Variants in SGK3 observed in about 807,000 individuals in gnomAD.
The protein encoded by SGK3 is serine/threonine-protein kinase Sgk3.
SGK3 carries 47 observed loss-of-function variants against 68.5 expected under a neutral mutation model. The ratio of observed to expected loss-of-function variants is 0.69; its 90% CI spans 0.54 to 0.87. The LOEUF is 0.87. SGK3 is among the 40% of genes least tolerant of loss of function. The probability of loss-of-function intolerance (pLI) is 0.00; values close to 1 mark genes in which losing one functional copy is unlikely to be tolerated. For missense variants in SGK3, 479 were observed against 575.5 expected (o/e 0.83, Z 1.72); for synonymous variants, 181 against 189.1 (o/e 0.96, Z 0.35).
rs755143437 is a variant in SGK3, at chr8:66,822,421, G to A, written c.379G>A (p.Asp127Asn). The A allele has an allele frequency of 1.2e-6, 2 of 1,611,380 alleles. No homozygotes were observed. Among genetic ancestry groups the A allele is most frequent in the African/African-American group, 1.3e-5 (1 of 74,854 alleles). ...LQMDSPKHQS[D>N]PSEDEDERSS... ...AATGGACAGTCCAAAACACCAGTCA[G>A]ATCCATCTGAAGATGAGGATGAAAG... The change falls in exon 6 of 17, where the codon GAT (aspartate) becomes AAT (asparagine). Residue 127 changes from aspartate (D) to asparagine (N), a missense_variant. Around this residue, in one of 3 missense-constraint regions of SGK3, gnomAD observed 298 missense variants for 329.4 expected, o/e 0.90. Transcript: ENST00000521198.
chr8:66,816,983 A>G (rs758411817), intron 5 of SGK3, among the ~76,000 whole-genome samples: 1 of 152,046 alleles, frequency 6.6e-6, no homozygotes, highest in Non-Finnish European at 1.5e-5. Context: ...GGTGTGAGCC[A>G]CTACACCCAG....
At chr8:66,757,968 A>G (rs1806035764) in intron 1 of SGK3, among the ~76,000 whole-genome samples, 1 of 148,934 alleles carries the variant, frequency 6.7e-6, no homozygotes, top group Non-Finnish European at 1.5e-5. Context: ...CACACACTAT[A>G]TATATACACA....
At chr8:66,784,580 C>A (rs942353309) in intron 1 of SGK3, among the ~76,000 whole-genome samples, 2 of 151,852 alleles carry the variant, frequency 1.3e-5, no homozygotes, top group Non-Finnish European at 2.9e-5. Flanking sequence ...AATCTTTTGA[C>A]TTTTTTTATA....
intron 1 of SGK3, among the ~76,000 whole-genome samples, chr8:66,746,184 C>T (rs183845992): frequency 1.4e-3 from 213 of 152,290 alleles, no homozygotes; most frequent in Non-Finnish European, 2.7e-3. Context: ...TAGCTCATTC[C>T]TGTCTGGTGT....
At chr8:66,768,095 T>A in intron 1 of SGK3, 1 of 474,884 alleles carries the variant, frequency 2.1e-6, no homozygotes, top group Non-Finnish European at 3.9e-6. Flanking sequence ...ACATCACTTA[T>A]AGAATACTTA....
At chr8:66,753,688 G>A (rs796944586) in intron 1 of SGK3, among the ~76,000 whole-genome samples, 21 of 152,162 alleles carry the variant, frequency 1.4e-4, no homozygotes, top group African/African-American at 4.8e-4. Context: ...GCTGGGCGTG[G>A]TGGTGCCTGT....
Position 66,785,248 on chromosome 8 carries a change from G to A in SGK3, c.-121-8368G>A, listed in dbSNP as rs148304740. 6.6e-5 allele frequency among the ~76,000 whole-genome samples: 10 copies of A among 152,372 alleles called. No individual in the cohort carries two copies. In the East Asian group the frequency reaches 1.3e-3, roughly 21 times the overall value. On this transcript the variant is annotated intron_variant, in intron 1 of 16. Coordinates refer to ENST00000521198, the MANE Select transcript of SGK3 (RefSeq NM_001033578.3). ...AACAACATAAGAAGTTGAGGGCTAC[G>A]GTATGTGAGCTGGGCTCACATGAGA...
intron 8 of SGK3, among the ~76,000 whole-genome samples, chr8:66,833,003 A>ATTTTT (rs796444821): frequency 2.1e-5 from 3 of 143,930 alleles, no homozygotes; most frequent in African/African-American, 7.7e-5. Flanking sequence ...TGTTTTTAGA[A>ATTTTT]TTTTTTTTTT....
chr8:66,745,324 C>T (rs559559624), intron 1 of SGK3, among the ~76,000 whole-genome samples: 2 of 152,252 alleles, frequency 1.3e-5, no homozygotes, highest in East Asian at 1.9e-4. Context: ...GTAATCCCAG[C>T]ACTTTGGGAG....
intron 5 of SGK3, among the ~76,000 whole-genome samples, chr8:66,815,384 G>T (rs1361892010): frequency 6.6e-6 from 1 of 152,160 alleles, no homozygotes; most frequent in African/African-American, 2.4e-5. Context: ...CTGGCAGGTG[G>T]CAGAAGGGCA....
intron 1 of SGK3, among the ~76,000 whole-genome samples, chr8:66,762,258 C>G (rs1027935589): frequency 2.0e-5 from 3 of 152,124 alleles, no homozygotes; most frequent in African/African-American, 7.2e-5. Flanking sequence ...CGTGAGCCAC[C>G]GCGCCCGGCC....
chr8:66,724,028 C>T (rs1466621233), intron 1 of SGK3, among the ~76,000 whole-genome samples: 1 of 152,118 alleles, frequency 6.6e-6, no homozygotes. Flanking sequence ...CTTTGTCTTC[C>T]CTTTATATTT....
chr8:66,795,937 T>G (rs1317881846), intron 2 of SGK3, among the ~76,000 whole-genome samples: 1 of 152,152 alleles, frequency 6.6e-6, no homozygotes, highest in East Asian at 1.9e-4. Context: ...TTCTTCACTA[T>G]TGTTTCACCA....
intron 1 of SGK3, among the ~76,000 whole-genome samples, chr8:66,776,092 G>C (rs1231571419): frequency 6.6e-6 from 1 of 152,166 alleles, no homozygotes; most frequent in Non-Finnish European, 1.5e-5. Flanking sequence ...GAAAACCTAC[G>C]TATATTCTTT....
chr8:66,776,184 A>C (rs1349292369), intron 1 of SGK3, among the ~76,000 whole-genome samples: 1 of 152,138 alleles, frequency 6.6e-6, no homozygotes, highest in Non-Finnish European at 1.5e-5. Context: ...AAGGTCTCTT[A>C]CTTTTCTTTC....
At chr8:66,850,750 A>G in intron 15 of SGK3, 81 bp from the exon 16 acceptor site, 4 of 1,344,638 alleles carry the variant, frequency 3.0e-6, no homozygotes, top group Non-Finnish European at 4.1e-6. Context: ...AAATAGTAAT[A>G]GTTTGGCTTC....
At position 66,813,898 on chromosome 8, in the gene SGK3, A is replaced by C; in HGVS notation, c.299A>C (p.Asn100Thr). The change falls in exon 5 of 17, where the codon AAC becomes ACC. Residue 100 changes from asparagine (N) to threonine (T), a missense_variant. Around this residue, in one of 3 missense-constraint regions of SGK3, gnomAD observed 298 missense variants for 329.4 expected, o/e 0.90. Transcript: ENST00000521198. ...GCAGGACTAAACGAATTCATTCAGA[A>C]CCTAGTTAGGTATCCAGAACTTTAT... ...RRAGLNEFIQ[N>T]LVRYPELYNH... The C allele has an allele frequency of 6.3e-7, 1 of 1,597,696 alleles. No individual in the cohort carries two copies.
At chr8:66,773,602 C>T (rs1460626864) in intron 1 of SGK3, among the ~76,000 whole-genome samples, 1 of 152,148 alleles carries the variant, frequency 6.6e-6, no homozygotes, top group Non-Finnish European at 1.5e-5. Flanking sequence ...GTCAGCATCA[C>T]GACTCTTGCA....
intron 5 of SGK3, among the ~76,000 whole-genome samples, chr8:66,816,220 T>G (rs901862559): frequency 5.3e-5 from 8 of 151,962 alleles, no homozygotes; most frequent in African/African-American, 1.9e-4. Flanking sequence ...GCCAGGATGG[T>G]CTTCATCTAC....
Sources: allele counts gnomAD v4.1 joint callset (sites outside exome capture counted in the v4.1 genomes callset), GRCh38; gene constraint gnomAD v4.1.1; regional missense constraint gnomAD v4.1.1; transcripts MANE v1.5; gene names NCBI Gene and HGNC (gene_info 2026-07-23, HGNC 2026-07-21).